DMXL2: variants seen among roughly 807,000 people sequenced by gnomAD.
DMXL2 encodes the protein Dmx like 2, also known as dmX-like protein 2.
DMXL2 carries 103 observed loss-of-function variants against 331.1 expected under a neutral mutation model. The ratio of observed to expected loss-of-function variants is 0.31; its 90% CI spans 0.27 to 0.37. DMXL2 has a LOEUF of 0.37. Among genes scored for constraint, DMXL2 ranks in the 10% least tolerant of loss-of-function variants. The pLI is 1.00. For synonymous variants in DMXL2, 1,281 were observed against 1,252.1 expected (o/e 1.02, Z -0.49); for missense variants, 3,171 against 3,642.9 (o/e 0.87, Z 3.33).
In DMXL2 at chr15:51,481,368, T is replaced by C; in HGVS notation, c.5738A>G (p.Lys1913Arg). The C allele has an allele frequency of 6.2e-7, 1 of 1,613,884 alleles. No individual in the cohort carries two copies. Among genetic ancestry groups the C allele is most frequent in the Non-Finnish European group, 8.5e-7 (1 of 1,179,912 alleles). Reference sequence around the variant, plus strand: ...TTTTTTTGCAGATAAGGCAGATGTTTTGGTTACTTTTGGAATTTTGGAGAG... The same window carrying C: ...TTTTTTTGCAGATAAGGCAGATGTTCTGGTTACTTTTGGAATTTTGGAGAG... ...EVLSKIPKVT[K>R]TSALSAKKDQ... is the part of the protein sequence containing the mutation. The change falls in exon 24 of 44, where the codon AAA (lysine) becomes AGA (arginine). Residue 1913 changes from lysine (K) to arginine (R), a missense_variant. This residue lies in a region of DMXL2 where 244 missense variants were observed against 251.4 expected (regional missense o/e 0.97). Transcript: ENST00000560891.
chr15:51,607,682 C>A (rs951334461), intron 1 of DMXL2, among the ~76,000 whole-genome samples: 4 of 152,024 alleles, frequency 2.6e-5, no homozygotes, highest in African/African-American at 7.3e-5. Flanking sequence ...AGACCAAACA[C>A]AGCAAAACTT....
chr15:51,478,663 A>AAT (rs890410533), intron 25 of DMXL2, among the ~76,000 whole-genome samples: 2 of 152,188 alleles, frequency 1.3e-5, no homozygotes, highest in Admixed American at 1.3e-4. Flanking sequence ...AATTAGCTTA[A>AAT]ATAGTAATAT....
chr15:51,560,636 G>A (rs1312486014), intron 6 of DMXL2, among the ~76,000 whole-genome samples: 4 of 147,380 alleles, frequency 2.7e-5, no homozygotes, highest in South Asian at 4.3e-4. Flanking sequence ...GCCATTGCAC[G>A]CTAGCCCGGG....
intron 6 of DMXL2, among the ~76,000 whole-genome samples, chr15:51,549,435 T>G (rs1482033604): frequency 6.6e-6 from 1 of 152,186 alleles, no homozygotes; most frequent in Non-Finnish European, 1.5e-5. Context: ...CATGTGCAAG[T>G]ATCTTTTTCA....
intron 15 of DMXL2, among the ~76,000 whole-genome samples, chr15:51,511,262 C>A (rs2046739475): frequency 6.6e-6 from 1 of 152,164 alleles, no homozygotes; most frequent in African/African-American, 2.4e-5. Flanking sequence ...AGGCAACCTA[C>A]AGAATGGGAG....
Position 51,499,065 on chromosome 15 carries a change from C to T in DMXL2, c.4159G>A (p.Ala1387Thr), listed in dbSNP as rs1214741022. 2.0e-5 allele frequency: 32 copies of T among 1,613,932 alleles called. No homozygotes were observed. The highest frequency in any genetic ancestry group is 2.6e-5 in the Non-Finnish European group (31 of 1,180,040). ...GEVAIVRDPD[A>T]GEGTKRHLSR... ...AGATGTCGCTTAGTTCCTTCTCCAG[C>T]ATCAGGATCTCTAACTATTGCTACT... The change falls in exon 18 of 44, where the codon GCT (alanine) becomes ACT (threonine). Residue 1387 changes from alanine (A) to threonine (T), a missense_variant. Coordinates refer to ENST00000560891, the MANE Select transcript of DMXL2 (RefSeq NM_001378457.1).
intron 28 of DMXL2, 49 bp downstream of exon 28, chr15:51,474,295 T>G: frequency 6.6e-7 from 1 of 1,516,604 alleles, no homozygotes; most frequent in Non-Finnish European, 8.8e-7. Flanking sequence ...ATTTTAACAT[T>G]CAAAATGATT....
Position 51,537,607 on chromosome 15 carries a change from T to C in DMXL2, c.1498A>G (p.Thr500Ala). The change falls in exon 11 of 44, where the codon ACT becomes GCT. Residue 500 changes from threonine (T) to alanine (A), a missense_variant. Physicochemically the swap from Thr to Ala is moderately conservative, Grantham distance 58. Coordinates refer to ENST00000560891, the MANE Select transcript of DMXL2 (RefSeq NM_001378457.1). ...LLDRKIETLLTEWNKNPDMLF... is the reference protein window; with the variant it reads ...LLDRKIETLLAEWNKNPDMLF... ...ATATCAGGATTCTTATTCCATTCAG[T>C]TAGCAGCGTTTCAATCTTCCGATCA... 1 of 1,613,894 alleles carries C rather than the reference T, an allele frequency of 6.2e-7. No homozygotes were observed. The highest frequency in any genetic ancestry group is 8.5e-7 in the Non-Finnish European group (1 of 1,179,858).
intron 8 of DMXL2, among the ~76,000 whole-genome samples, chr15:51,544,578 A>G (rs1324097233): frequency 1.3e-5 from 2 of 152,168 alleles, no homozygotes; most frequent in African/African-American, 4.8e-5. Flanking sequence ...AAAACTTTTA[A>G]GGACCACATC....
In DMXL2 at chr15:51,458,633, A is replaced by G; in HGVS notation, c.8077-6T>C. On this transcript the variant is annotated splice_region_variant and splice_polypyrimidine_tract_variant and intron_variant, in intron 35 of 43. Coordinates refer to ENST00000560891, the MANE Select transcript of DMXL2 (RefSeq NM_001378457.1). Reference sequence around the variant, plus strand: ...ACAATTTCATTACAATTTGCCTATAAAGCAAAGGCAGAATCGATGATTTAA... The same window carrying G: ...ACAATTTCATTACAATTTGCCTATAGAGCAAAGGCAGAATCGATGATTTAA... 6.2e-7 allele frequency: 1 copy of G among 1,613,992 alleles called. No individual in the cohort carries two copies. The highest frequency in any genetic ancestry group is 1.3e-5 in the African/African-American group (1 of 75,064).
intron 1 of DMXL2, among the ~76,000 whole-genome samples, chr15:51,589,279 T>C (rs1019176751): frequency 2.6e-5 from 4 of 152,122 alleles, no homozygotes; most frequent in South Asian, 2.1e-4. Flanking sequence ...CAGAAGCAAA[T>C]AGATCAGATG....
At chr15:51,504,122 T>G (rs1193723021) in intron 16 of DMXL2, among the ~76,000 whole-genome samples, 1 of 152,126 alleles carries the variant, frequency 6.6e-6, no homozygotes, top group Non-Finnish European at 1.5e-5. Context: ...AGACACTGAT[T>G]TAGATGATAT....
chr15:51,500,024 A>G lies in DMXL2; in HGVS notation c.3200T>C (p.Ile1067Thr), dbSNP rs2043471170. The change falls in exon 18 of 44, where the codon ATT (isoleucine) becomes ACT (threonine). Residue 1067 changes from isoleucine (I) to threonine (T), a missense_variant. Ile to Thr is a moderately conservative substitution (Grantham distance 89). Around this residue, in one of 7 missense-constraint regions of DMXL2, gnomAD observed 1,674 missense variants for 1,780.2 expected, o/e 0.94. Coordinates refer to ENST00000560891, the MANE Select transcript of DMXL2 (RefSeq NM_001378457.1). ...GCTAACAGCAACTGGTCTTCCCACA[A>G]TGCTCACTGTACTGCTATTATCTTC... ...EGEDNSSTVS[I>T]VGRPVAVSCS... 6.2e-7 allele frequency: 1 copy of G among 1,614,150 alleles called. No homozygotes were observed. Among genetic ancestry groups the G allele is most frequent in the Non-Finnish European group, 8.5e-7 (1 of 1,180,016 alleles).
At chr15:51,516,536 G>C (rs2047046847) in intron 14 of DMXL2, among the ~76,000 whole-genome samples, 1 of 152,196 alleles carries the variant, frequency 6.6e-6, no homozygotes, top group East Asian at 1.9e-4. Flanking sequence ...CAGCTGCACT[G>C]TATTTTCTCT....
chr15:51,463,600 T>C (rs1046418047), intron 32 of DMXL2, 104 bp from the exon 33 acceptor site: 11 of 699,800 alleles, frequency 1.6e-5, no homozygotes, highest in African/African-American at 3.8e-5. Context: ...TGCAAAGATA[T>C]TTATTTTTAA....
At chr15:51,457,237 T>C in intron 37 of DMXL2, 91 bp downstream of exon 37, 1 of 1,379,318 alleles carries the variant, frequency 7.2e-7, no homozygotes, top group Admixed American at 2.4e-5. Flanking sequence ...TGTTTGTCCC[T>C]GAAATTTAGG....
At chr15:51,604,952 T>A (rs1277038952) in intron 1 of DMXL2, among the ~76,000 whole-genome samples, 4 of 152,102 alleles carry the variant, frequency 2.6e-5, no homozygotes, top group Non-Finnish European at 5.9e-5. Flanking sequence ...ATATAGCCAA[T>A]TGATTTTTTA....
chr15:51,560,742 A>G (rs2049913669), intron 6 of DMXL2, among the ~76,000 whole-genome samples: 1 of 151,418 alleles, frequency 6.6e-6, no homozygotes, highest in Non-Finnish European at 1.5e-5. Context: ...AAAACTAAAT[A>G]TTACCTTATT....
At position 51,488,665 on chromosome 15, in the gene DMXL2, T is replaced by C. The variant is rs961413441; in HGVS notation, c.4954-20A>G. On this transcript the variant is annotated intron_variant, in intron 20 of 43. Transcript: ENST00000560891. Reference sequence around the variant, plus strand: ...GGCAACCTAAATGATAAATAAAATATTAAATTCACAATTTGACATAAGAAT... The same window carrying C: ...GGCAACCTAAATGATAAATAAAATACTAAATTCACAATTTGACATAAGAAT... The C allele has an allele frequency of 2.2e-5, 34 of 1,567,354 alleles. 1 individual carries two copies. The highest frequency in any genetic ancestry group is 3.6e-5 in the Admixed American group (2 of 55,730).
Sources: allele counts gnomAD v4.1 joint callset (sites outside exome capture counted in the v4.1 genomes callset), GRCh38; gene constraint gnomAD v4.1.1; regional missense constraint gnomAD v4.1.1; transcripts MANE v1.5; gene names NCBI Gene and HGNC (gene_info 2026-07-23, HGNC 2026-07-21).